Variants in WDR72 observed in about 807,000 individuals in gnomAD.
The protein encoded by WDR72 is WD repeat-containing protein 72.
In WDR72, 120 loss-of-function variants were observed where a neutral mutation model predicts 124.2. The observed-to-expected ratio is 0.97, with a 90% CI of 0.83 to 1.12. The LOEUF is 1.12. Ranked by LOEUF, WDR72 falls within the 50% of genes most tolerant of loss-of-function variation. The pLI, the probability that WDR72 is intolerant of heterozygous loss-of-function variation, is 0.00. For missense variants in WDR72, 1,387 were observed against 1,278.8 expected (o/e 1.08, Z -1.29); for synonymous variants, 452 against 441.7 (o/e 1.02, Z -0.29).
In WDR72 at chr15:53,523,270, T is replaced by C. The variant is rs764838973; in HGVS notation, c.3201A>G (p.Gln1067=). The C allele has an allele frequency of 1.9e-6, 3 of 1,613,074 alleles. No individual in the cohort carries two copies. Among genetic ancestry groups the C allele is most frequent in the East Asian group, 4.5e-5 (2 of 44,852 alleles). Residue 1067 remains glutamine, a synonymous_variant, in exon 19 of 20, where the codon CAA becomes CAG. Coordinates refer to ENST00000360509, the MANE Select transcript of WDR72 (RefSeq NM_182758.4). ...ATCTGTCAGGCATGTCCTCCACGTC[T>C]TGGAAGTTTGCCGAGTTTGAGTTGC... is the stretch of plus-strand genomic sequence containing the variant. ...HDSNSNSANF[Q]DVEDMPDRCA...
At position 53,615,861 on chromosome 15, in the gene WDR72, G is replaced by A. The variant is rs1291944734; in HGVS notation, c.2345C>T (p.Pro782Leu). 2 of 1,613,572 alleles carry A rather than the reference G, an allele frequency of 1.2e-6. No homozygotes were observed. Among genetic ancestry groups the A allele is most frequent in the Non-Finnish European group, 1.7e-6 (2 of 1,179,678 alleles). ...MKISKKMQPKPSRKVDASLTI... is the reference protein window; with the variant it reads ...MKISKKMQPKLSRKVDASLTI... ...GAGACTGGCATCTACTTTTCTTGAT[G>A]GCTTAGGCTGCATTTTTTTGGAGAT... is the stretch of plus-strand genomic sequence containing the variant. Residue 782 changes from proline (P) to leucine (L), a missense_variant, in exon 15 of 20, where the codon CCA becomes CTA. Coordinates refer to ENST00000360509, the MANE Select transcript of WDR72 (RefSeq NM_182758.4).
chr15:53,595,094 T>A (rs926015566), intron 18 of WDR72, among the ~76,000 whole-genome samples: 2 of 152,110 alleles, frequency 1.3e-5, no homozygotes, highest in Non-Finnish European at 2.9e-5. Context: ...AAATAAAGTA[T>A]TCTAAATTTC....
intron 14 of WDR72, among the ~76,000 whole-genome samples, chr15:53,658,469 A>G (rs550039919): frequency 6.6e-6 from 1 of 152,322 alleles, no homozygotes; most frequent in South Asian, 2.1e-4. Context: ...TAGGAAAACA[A>G]CACTGGGGAC....
In WDR72 at chr15:53,517,770, A is replaced by T; in HGVS notation, c.3254-16T>A. Reference sequence around the variant, plus strand: ...CTTGGCTCACCTAGGAAAAAAGCAGATATCTTGGGTTATATGGTGAAATCT... The same window carrying T: ...CTTGGCTCACCTAGGAAAAAAGCAGTTATCTTGGGTTATATGGTGAAATCT... On this transcript the variant is annotated splice_polypyrimidine_tract_variant and intron_variant, in intron 19 of 19. Coordinates refer to ENST00000360509, the MANE Select transcript of WDR72 (RefSeq NM_182758.4). 1 of 1,612,504 alleles carries T rather than the reference A, an allele frequency of 6.2e-7. No individual in the cohort carries two copies.
chr15:53,646,188 G>A, intron 14 of WDR72, among the ~76,000 whole-genome samples: 1 of 152,062 alleles, frequency 6.6e-6, no homozygotes, highest in Admixed American at 6.6e-5. Context: ...CTCTCAGATA[G>A]TTTATTTCTA....
At position 53,699,863 on chromosome 15, in the gene WDR72, A is replaced by G; in HGVS notation, c.1652T>C (p.Leu551Pro). 6.2e-7 allele frequency: 1 copy of G among 1,614,174 alleles called. No homozygotes were observed. The highest frequency in any genetic ancestry group is 8.5e-7 in the Non-Finnish European group (1 of 1,180,018). The change falls in exon 13 of 20, where the codon CTG becomes CCG. Residue 551 changes from leucine to proline, a missense_variant. Leu to Pro is a moderately conservative substitution (Grantham distance 98). Coordinates refer to ENST00000360509, the MANE Select transcript of WDR72 (RefSeq NM_182758.4). Reference sequence around the variant, plus strand: ...AGGAAAAAGGTGCTTCCGGGCATGCAGGAGGCAACTCTTTCCCTCAAGGTG... The same window carrying G: ...AGGAAAAAGGTGCTTCCGGGCATGCGGGAGGCAACTCTTTCCCTCAAGGTG... The part of the protein sequence containing the change: ...LLHLEGKSCL[L>P]HARKHLFPVR...
intron 13 of WDR72, among the ~76,000 whole-genome samples, chr15:53,688,837 A>C (rs1390049712): frequency 6.6e-6 from 1 of 151,978 alleles, no homozygotes; most frequent in Non-Finnish European, 1.5e-5. Context: ...ACAGTAACCA[A>C]AACAGCATGG....
chr15:53,530,782 G>C (rs1325426893), intron 18 of WDR72, among the ~76,000 whole-genome samples: 1 of 151,920 alleles, frequency 6.6e-6, no homozygotes, highest in African/African-American at 2.4e-5. Context: ...CACATCACAG[G>C]GCAATTTAAA....
chr15:53,623,644 A>C (rs967863322), intron 14 of WDR72, among the ~76,000 whole-genome samples: 1 of 152,010 alleles, frequency 6.6e-6, no homozygotes, highest in Non-Finnish European at 1.5e-5. Flanking sequence ...TTTTTGGTAG[A>C]ACTTTATTTT....
At chr15:53,713,692 T>C (rs1176680156) in intron 6 of WDR72, among the ~76,000 whole-genome samples, 1 of 151,922 alleles carries the variant, frequency 6.6e-6, no homozygotes, top group Admixed American at 6.6e-5. Flanking sequence ...TCCTGACCTC[T>C]GGTGATCCGC....
intron 18 of WDR72, among the ~76,000 whole-genome samples, chr15:53,524,732 C>A (rs965663594): frequency 1.3e-5 from 2 of 152,090 alleles, no homozygotes; most frequent in Non-Finnish European, 2.9e-5. Context: ...GAATTTACTA[C>A]GTTTCTAAAA....
At chr15:53,738,472 AAT>A (rs1452017431) in intron 1 of WDR72, among the ~76,000 whole-genome samples, 3 of 152,222 alleles carry the variant, frequency 2.0e-5, no homozygotes, top group African/African-American at 7.2e-5. Context: ...ATACAGAGAA[AAT>A]GAGTAAACTC....
chr15:53,714,342 T>C, intron 6 of WDR72, 92 bp downstream of exon 6: 1 of 1,021,102 alleles, frequency 9.8e-7, no homozygotes, highest in Non-Finnish European at 1.5e-6. Flanking sequence ...TTTGAACTTT[T>C]GACAATAAAC....
chr15:53,621,156 G>C lies in WDR72; in HGVS notation c.1963-4913C>G, dbSNP rs141605823. ...TAAAAAAATAATAGATGTTGGCTTG[G>C]ATGTGGTAAACAGGGAGTGCTTCTA... On this transcript the variant is annotated intron_variant, in intron 14 of 19. Transcript: ENST00000360509. Among the ~76,000 whole-genome samples, 4 of 151,984 alleles carry C rather than the reference G, an allele frequency of 2.6e-5. No homozygotes were observed. In the East Asian group the frequency reaches 7.8e-4, roughly 29 times the overall value.
chr15:53,729,393 T>C (rs1014086989), intron 2 of WDR72, among the ~76,000 whole-genome samples: 3 of 152,004 alleles, frequency 2.0e-5, no homozygotes, highest in Admixed American at 6.6e-5. Context: ...TACAATTGAA[T>C]AGTATTATGT....
At chr15:53,644,096 T>A (rs985168813) in intron 14 of WDR72, among the ~76,000 whole-genome samples, 26 of 152,168 alleles carry the variant, frequency 1.7e-4, no homozygotes, top group African/African-American at 6.3e-4. Flanking sequence ...AAACAGTGTA[T>A]CCATCAGCCT....
chr15:53,546,208 T>C (rs1282066395), intron 18 of WDR72, among the ~76,000 whole-genome samples: 5 of 149,648 alleles, frequency 3.3e-5, no homozygotes, highest in Non-Finnish European at 7.5e-5. Flanking sequence ...TAAAGACACA[T>C]GCACACGTAT....
At chr15:53,682,112 G>C (rs1478183330) in intron 13 of WDR72, among the ~76,000 whole-genome samples, 2 of 152,026 alleles carry the variant, frequency 1.3e-5, no homozygotes, top group East Asian at 3.9e-4. Flanking sequence ...ATGCACACCA[G>C]AAACCACTTC....
chr15:53,759,493 T>A (rs906352450), intron 1 of WDR72, 140 bp downstream of exon 1: 1 of 152,302 alleles, frequency 6.6e-6, no homozygotes, highest in Non-Finnish European at 1.5e-5. Context: ...CCGGCCCAGC[T>A]GTATCCAAGC....
Sources: allele counts gnomAD v4.1 joint callset (sites outside exome capture counted in the v4.1 genomes callset), GRCh38; gene constraint gnomAD v4.1.1; transcripts MANE v1.5; gene names NCBI Gene and HGNC (gene_info 2026-07-23, HGNC 2026-07-21).